HNF4A: variants seen among roughly 807,000 people sequenced by gnomAD.
HNF4A encodes hepatocyte nuclear factor 4-alpha.
Under a neutral mutation model 52.4 loss-of-function variants are expected in HNF4A, and 15 were observed. The observed-to-expected ratio is 0.29, with a 90% confidence interval of 0.19 to 0.44. The LOEUF is 0.44. HNF4A is among the 20% of genes least tolerant of loss of function. The pLI is 1.00. For missense variants in HNF4A, 479 were observed against 647.2 expected (o/e 0.74, Z 2.82); for synonymous variants, 280 against 264.4 (o/e 1.06, Z -0.57).
In HNF4A at chr20:44,404,064, T is replaced by C. The variant is rs144614833; in HGVS notation, c.116-1994T>C. Among the ~76,000 whole-genome samples the C allele has an allele frequency of 3.3e-3, 505 of 152,070 alleles. 3 individuals are homozygous for C. Among genetic ancestry groups the C allele is most frequent in the African/African-American group, 0.012 (478 of 41,490 alleles). The stretch of plus-strand genomic sequence containing the variant: ...CTGCACTCCTGGGGACACCTGGGAG[T>C]CTGCGATGGCAGAAATGAGATGCGG... On this transcript the variant is annotated intron_variant, in intron 1 of 9. Transcript: ENST00000316099.
rs553551030 is a variant in HNF4A, at chr20:44,394,734, C to T, written c.50-11324C>T. ...GCAGCCGAGGTGGCCGTGGGCTATG[C>T]GTTGGGAGGCCAGCGGCCTCTTGCA... On this transcript the variant is annotated intron_variant, in intron 1 of 9. Transcript: ENST00000316673. Among the ~76,000 whole-genome samples, 78 of 152,342 alleles carry T rather than the reference C, an allele frequency of 5.1e-4. 1 individual carries two copies. Among genetic ancestry groups the T allele is most frequent in the Non-Finnish European group, 1.0e-3 (70 of 68,036 alleles).
chr20:44,357,831 G>C (rs190658748), intron 1 of HNF4A, among the ~76,000 whole-genome samples: 8 of 149,894 alleles, frequency 5.3e-5, no homozygotes, highest in African/African-American at 2.0e-4. Context: ...AAAAAACTAA[G>C]GTTCAAGATT....
intron 1 of HNF4A, among the ~76,000 whole-genome samples, chr20:44,387,288 TAAAAA>T (rs537843651): frequency 3.7e-5 from 3 of 82,006 alleles, no homozygotes; most frequent in South Asian, 4.2e-4. Context: ...AACTTCATCT[TAAAAA>T]AAAAAAAAAA....
In HNF4A at chr20:44,432,491, C is replaced by G. The variant is rs954425409; in HGVS notation, c.*2826C>G. 6.6e-6 allele frequency: 1 copy of G among 151,418 alleles called. No homozygotes were observed. The highest frequency in any genetic ancestry group is 2.4e-5 in the African/African-American group (1 of 41,148). 9.4% of individuals were successfully genotyped at this position (151,418 alleles called of 1,614,324 possible). A position where few individuals can be genotyped will look rare whatever the true frequency, so the allele number is the denominator to read the frequency against. On this transcript the variant is annotated 3_prime_UTR_variant, in exon 10 of 10. Transcript: ENST00000316099. ...CTGATCTTCAGGCGGGTCTCAGGAG[C>G]TTCTAAAAATCCGCATGGCTCTCCT...
intron 1 of HNF4A, among the ~76,000 whole-genome samples, chr20:44,362,491 C>T (rs1458905731): frequency 6.7e-6 from 1 of 149,830 alleles, no homozygotes; most frequent in African/African-American, 2.5e-5. Flanking sequence ...TTTTTCCTGA[C>T]TCATATGCCT....
chr20:44,394,234 G>A (rs1216501651), intron 1 of HNF4A, among the ~76,000 whole-genome samples: 2 of 152,044 alleles, frequency 1.3e-5, no homozygotes, highest in Non-Finnish European at 1.5e-5. Flanking sequence ...GACATTGCCC[G>A]GGTCCACAGA....
At chr20:44,413,274 T>C (rs562237712) in intron 3 of HNF4A, among the ~76,000 whole-genome samples, 1 of 152,278 alleles carries the variant, frequency 6.6e-6, no homozygotes, top group African/African-American at 2.4e-5. Flanking sequence ...TGTTCAGGAA[T>C]CCCCAGGCCA....
At chr20:44,400,526 A>C (rs928732045), upstream of HNF4A, among the ~76,000 whole-genome samples, 1 of 152,064 alleles carries the variant, frequency 6.6e-6, no homozygotes, top group East Asian at 1.9e-4. Flanking sequence ...GCCTGAATGT[A>C]AATCCAGGTC....
chr20:44,380,412 G>A (rs950244972), intron 1 of HNF4A, among the ~76,000 whole-genome samples: 14 of 152,010 alleles, frequency 9.2e-5, no homozygotes, highest in African/African-American at 1.5e-4. Flanking sequence ...CTCCCACCTC[G>A]GCCTCCCAAG....
chr20:44,413,603 C>T, intron 3 of HNF4A, 91 bp from the exon 4 acceptor site: 1 of 876,022 alleles, frequency 1.1e-6, no homozygotes, highest in Non-Finnish European at 1.9e-6. Context: ...ACACCCCCCA[C>T]CTCCTGCTCC....
At chr20:44,402,442 G>A (rs1181399576) in intron 1 of HNF4A, 3 of 533,196 alleles carry the variant, frequency 5.6e-6, no homozygotes, top group East Asian at 1.4e-4. Context: ...CTGCGGGCGG[G>A]GGTCAGCGGT....
At chr20:44,363,818 T>C (rs1208477052) in intron 1 of HNF4A, among the ~76,000 whole-genome samples, 1 of 146,786 alleles carries the variant, frequency 6.8e-6, no homozygotes, top group Non-Finnish European at 1.5e-5. Context: ...TGCCTCAGCC[T>C]CCCAAGTAGC....
rs745444170 is a variant in HNF4A, at chr20:44,432,720, C to A, written c.*3055C>A. 1.3e-5 allele frequency: 2 copies of A among 152,120 alleles called. No homozygotes were observed. The highest frequency in any genetic ancestry group is 2.9e-5 in the Non-Finnish European group (2 of 68,024). 9.4% of individuals were successfully genotyped at this position (152,120 alleles called of 1,614,324 possible). On this transcript the variant is annotated 3_prime_UTR_variant, in exon 10 of 10. Coordinates refer to ENST00000316099, the MANE Select transcript of HNF4A (RefSeq NM_000457.6). ...TCTGTGGGTGTGAATGTCATTAGGTCTTGCGCTGACCCCTGAGCCCCCATC... is the reference window on the plus strand; with the variant it reads ...TCTGTGGGTGTGAATGTCATTAGGTATTGCGCTGACCCCTGAGCCCCCATC...
At chr20:44,359,110 C>A (rs761865063) in intron 1 of HNF4A, among the ~76,000 whole-genome samples, 3 of 152,164 alleles carry the variant, frequency 2.0e-5, no homozygotes, top group Non-Finnish European at 4.4e-5. Flanking sequence ...TTGTTTGTCT[C>A]ACTATGTCTC....
intron 1 of HNF4A, among the ~76,000 whole-genome samples, chr20:44,384,152 CTG>C (rs756499616): frequency 7.2e-6 from 1 of 138,502 alleles, no homozygotes; most frequent in Non-Finnish European, 1.5e-5. Context: ...CGCCTGGCCC[CTG>C]GCTCCTTTTT....
At chr20:44,380,750 C>A (rs1160769581) in intron 1 of HNF4A, among the ~76,000 whole-genome samples, 2 of 152,136 alleles carry the variant, frequency 1.3e-5, no homozygotes, top group African/African-American at 2.4e-5. Flanking sequence ...CTTTGGTGCA[C>A]AAATTTTTCT....
chr20:44,380,502 C>T (rs952603612), intron 1 of HNF4A, among the ~76,000 whole-genome samples: 2 of 152,122 alleles, frequency 1.3e-5, no homozygotes, highest in African/African-American at 4.8e-5. Context: ...CTATGTTGCC[C>T]AGGCTGGTCT....
rs879464386 is a variant in HNF4A at position 44,357,851 on chromosome 20, AC to A, written c.49+1999del. 6.3e-3 allele frequency among the ~76,000 whole-genome samples: 919 copies of A among 144,862 alleles called. 4 individuals carry two copies. Among genetic ancestry groups the A allele is most frequent in the Non-Finnish European group, 0.01 (672 of 64,096 alleles). On this transcript the variant is annotated intron_variant, in intron 1 of 9. Coordinates refer to the HNF4A transcript ENST00000316673. Reference sequence around the variant, plus strand: ...ACTAAGGTTCAAGATTAAAAAAAAAACACAAACAAACAAAAAATGTCATCTG... The same window carrying A: ...ACTAAGGTTCAAGATTAAAAAAAAAAACAAACAAACAAAAAATGTCATCTG...
chr20:44,430,795 T>A lies in HNF4A; in HGVS notation c.*1130T>A, dbSNP rs1378085261. 6.6e-6 allele frequency: 1 copy of A among 152,458 alleles called. No homozygotes were observed. The highest frequency in any genetic ancestry group is 1.5e-5 in the Non-Finnish European group (1 of 68,230). 9.4% of individuals were successfully genotyped at this position (152,458 alleles called of 1,614,324 possible). On this transcript the variant is annotated 3_prime_UTR_variant, in exon 10 of 10. Coordinates refer to ENST00000316099, the MANE Select transcript of HNF4A (RefSeq NM_000457.6). ...AGGTCAGGTGGGGTGGATGATATAA[T>A]GCGGGTGAGAGTAATGAGGCTTGGG... is the stretch of plus-strand genomic sequence containing the variant.
Sources: allele counts gnomAD v4.1 joint callset (sites outside exome capture counted in the v4.1 genomes callset), GRCh38; gene constraint gnomAD v4.1.1; transcripts MANE v1.5; gene names NCBI Gene and HGNC (gene_info 2026-07-23, HGNC 2026-07-21).